ELAPOR2: variants seen among roughly 807,000 people sequenced by gnomAD.
The protein encoded by ELAPOR2 is endosome/lysosome-associated apoptosis and autophagy regulator family member 2.
Under a neutral mutation model 120.7 loss-of-function variants are expected in ELAPOR2, and 89 were observed. The ratio of observed to expected loss-of-function variants is 0.74; its 90% confidence interval spans 0.62 to 0.88. The LOEUF (loss-of-function observed/expected upper bound fraction) is 0.88, where lower values mean the gene tolerates loss of function less well. Ranked by LOEUF, ELAPOR2 falls within the 40% of genes least tolerant of loss-of-function variation. The pLI is 0.00. For synonymous variants in ELAPOR2, 444 were observed against 444.9 expected, an observed-to-expected ratio of 1.00 and a Z score of 0.03; for missense variants, 1,134 against 1,251.6, an observed-to-expected ratio of 0.91 and a Z score of 1.42.
intron 1 of ELAPOR2, among the ~76,000 whole-genome samples, chr7:86,989,030 C>A (rs1792851845): frequency 1.3e-5 from 2 of 152,096 alleles, no homozygotes; most frequent in African/African-American, 2.4e-5. Flanking sequence ...TATTATAAAA[C>A]CATAAGTAAC....
chr7:86,994,324 G>A (rs922091068), intron 1 of ELAPOR2, among the ~76,000 whole-genome samples: 1 of 152,136 alleles, frequency 6.6e-6, no homozygotes, highest in African/African-American at 2.4e-5. Flanking sequence ...CTTGATTTAG[G>A]AGGTATAACA....
chr7:86,882,315 G>A (rs1315355338), intron 21 of ELAPOR2, among the ~76,000 whole-genome samples: 1 of 152,158 alleles, frequency 6.6e-6, no homozygotes, highest in Non-Finnish European at 1.5e-5. Context: ...AAGAGCTCTA[G>A]GGTATCAGCC....
intron 1 of ELAPOR2, among the ~76,000 whole-genome samples, chr7:87,024,696 G>T (rs969632336): frequency 4.6e-5 from 7 of 151,906 alleles, no homozygotes; most frequent in Non-Finnish European, 5.9e-5. Context: ...TCTGGTCCTG[G>T]ACTTTTTTTG....
intron 21 of ELAPOR2, among the ~76,000 whole-genome samples, chr7:86,890,219 T>G (rs1012955691): frequency 6.6e-6 from 1 of 151,998 alleles, no homozygotes. Flanking sequence ...AGAAACTGAT[T>G]ACCCTTTGTT....
rs1281545352 is a variant in ELAPOR2, at chr7:86,914,615, T to C, written c.1731+108A>G. ...ACCAGATTATTCATTCCATATTTTTTAAAAAGCAGTCCTTTCTTCCAAATT... is the reference window on the plus strand; with the variant it reads ...ACCAGATTATTCATTCCATATTTTTCAAAAAGCAGTCCTTTCTTCCAAATT... On this transcript the variant is annotated intron_variant, in intron 13 of 21. Coordinates refer to ENST00000450689, the MANE Select transcript of ELAPOR2 (RefSeq NM_001142749.3). 5.7e-6 allele frequency: 5 copies of C among 870,672 alleles called. No individual in the cohort carries two copies. The South Asian group carries it at 9.9e-5, about 17-fold the overall frequency. 53.9% of individuals were successfully genotyped at this position (870,672 alleles called of 1,614,324 possible).
At chr7:86,910,859 G>A (rs1412104680) in intron 15 of ELAPOR2, among the ~76,000 whole-genome samples, 1 of 152,038 alleles carries the variant, frequency 6.6e-6, no homozygotes. Flanking sequence ...GCAGCTAGCA[G>A]ACCTAACCTA....
intron 21 of ELAPOR2, among the ~76,000 whole-genome samples, chr7:86,882,367 T>G (rs1799454011): frequency 6.6e-6 from 1 of 152,126 alleles, no homozygotes; most frequent in South Asian, 2.1e-4. Flanking sequence ...AGCCTTTGCT[T>G]GAGAAAATTT....
intron 1 of ELAPOR2, among the ~76,000 whole-genome samples, chr7:86,990,400 A>G (rs530443217): frequency 4.9e-4 from 75 of 152,182 alleles, no homozygotes; most frequent in African/African-American, 1.6e-3. Context: ...TGGTGGCTCT[A>G]TAAGAGGAGA....
intron 1 of ELAPOR2, among the ~76,000 whole-genome samples, chr7:86,987,562 G>A (rs1016044102): frequency 5.3e-5 from 8 of 152,082 alleles, no homozygotes; most frequent in African/African-American, 9.7e-5. Context: ...TTCTCAAAAG[G>A]AGACATTTAT....
chr7:87,009,608 CAAGT>C (rs1350252157), intron 1 of ELAPOR2, among the ~76,000 whole-genome samples: 1 of 152,050 alleles, frequency 6.6e-6, no homozygotes, highest in Non-Finnish European at 1.5e-5. Context: ...AAAATAAAAT[CAAGT>C]AAGAGGCTAA....
intron 1 of ELAPOR2, among the ~76,000 whole-genome samples, chr7:87,051,827 AT>A (rs2129017889): frequency 6.6e-6 from 1 of 152,342 alleles, no homozygotes; most frequent in African/African-American, 2.4e-5. Flanking sequence ...TTCTATTTTA[AT>A]GTCAATCTCA....
At chr7:86,973,601 T>A (rs1792177075) in intron 1 of ELAPOR2, among the ~76,000 whole-genome samples, 1 of 152,068 alleles carries the variant, frequency 6.6e-6, no homozygotes. Flanking sequence ...AGCCTGCACA[T>A]CCAACTCTGG....
intron 4 of ELAPOR2, among the ~76,000 whole-genome samples, chr7:86,943,712 T>C (rs1473129316): frequency 6.6e-6 from 1 of 152,032 alleles, no homozygotes; most frequent in Non-Finnish European, 1.5e-5. Context: ...TTTATTTCAG[T>C]TTTAGCAATG....
At chr7:86,913,316 T>C (rs1789411719) in intron 13 of ELAPOR2, 112 bp from the exon 14 acceptor site, 1 of 1,026,598 alleles carries the variant, frequency 9.7e-7, no homozygotes, top group Non-Finnish European at 1.4e-6. Context: ...TCCAGCCTAA[T>C]AGTTTGTAAT....
At chr7:87,031,508 A>G (rs1035265642) in intron 1 of ELAPOR2, among the ~76,000 whole-genome samples, 1 of 152,218 alleles carries the variant, frequency 6.6e-6, no homozygotes, top group African/African-American at 2.4e-5. Context: ...TAATAGTTCT[A>G]ACAGCAGGCA....
At chr7:86,988,321 G>A (rs1195625964) in intron 1 of ELAPOR2, among the ~76,000 whole-genome samples, 3 of 152,028 alleles carry the variant, frequency 2.0e-5, no homozygotes, top group African/African-American at 7.3e-5. Context: ...TTGTGCACAT[G>A]TACCCTAGAA....
At position 87,040,492 on chromosome 7, in the gene ELAPOR2, C is replaced by T. The variant is rs563340085; in HGVS notation, c.189+18833G>A. 2.3e-4 allele frequency among the ~76,000 whole-genome samples: 35 copies of T among 152,328 alleles called. 2 individuals are homozygous for T. In the South Asian group the frequency reaches 6.4e-3, roughly 28 times the overall value. The stretch of plus-strand genomic sequence containing the variant: ...AGCAACCTAACTGGGAGGCACCCCC[C>T]AGCAGGGGCACACTGACACCTCACA... On this transcript the variant is annotated intron_variant, in intron 1 of 21. Coordinates refer to ENST00000450689, the MANE Select transcript of ELAPOR2 (RefSeq NM_001142749.3).
chr7:86,893,797 GAATAATAAAATATT>G (rs1788305701), intron 19 of ELAPOR2, among the ~76,000 whole-genome samples: 1 of 151,944 alleles, frequency 6.6e-6, no homozygotes, highest in South Asian at 2.1e-4. Context: ...AACTAATTGT[GAATAATAAAATATT>G]AATATACTGG....
At chr7:86,935,943 C>T (rs1790543835) in intron 8 of ELAPOR2, among the ~76,000 whole-genome samples, 1 of 151,982 alleles carries the variant, frequency 6.6e-6, no homozygotes, top group Non-Finnish European at 1.5e-5. Flanking sequence ...GAAATCTAAG[C>T]AATCTATTTT....
Sources: allele counts gnomAD v4.1 joint callset (sites outside exome capture counted in the v4.1 genomes callset), GRCh38; gene constraint gnomAD v4.1.1; transcripts MANE v1.5; gene names NCBI Gene and HGNC (gene_info 2026-07-23, HGNC 2026-07-21).